The following RORB variants were observed in gnomAD, a reference collection of about 807,000 sequenced individuals.
RORB encodes the protein nuclear receptor ROR-beta.
In RORB, 6 loss-of-function variants were observed where a neutral mutation model predicts 59.1. The ratio of observed to expected loss-of-function variants is 0.10; its 90% CI spans 0.06 to 0.20. The LOEUF is 0.20. Ranked by LOEUF, RORB falls within the 10% of genes least tolerant of loss-of-function variation. RORB has a pLI of 1.00. For synonymous variants in RORB, 215 were observed against 204.5 expected (o/e 1.05, Z -0.44); for missense variants, 320 against 560.5 (o/e 0.57, Z 4.33).
rs552852997 is a variant in RORB, at chr9:74,572,951, G to A, written c.8-57331G>A. On this transcript the variant is annotated intron_variant, in intron 1 of 9. Transcript: ENST00000376896. ...AGCAAATTGTAGCTGAATTTGAGAC[G>A]GTAATTTTCACTCTTCAGAATCTTT... 1.5e-3 allele frequency among the ~76,000 whole-genome samples: 225 copies of A among 152,158 alleles called. 8 individuals carry two copies. The South Asian group carries it at 0.044, about 30-fold the overall frequency.
intron 1 of RORB, among the ~76,000 whole-genome samples, chr9:74,499,542 GC>G (rs1825776822): frequency 6.6e-6 from 1 of 152,202 alleles, no homozygotes; most frequent in Non-Finnish European, 1.5e-5. Context: ...GTCTTGATTG[GC>G]CGGCTCGCTG....
intron 9 of RORB, 54 bp from the exon 10 acceptor site, chr9:74,685,409 A>C: frequency 2.1e-6 from 3 of 1,445,984 alleles, no homozygotes; most frequent in Non-Finnish European, 1.9e-6. Flanking sequence ...TTCCACAGAC[A>C]GAGCACTAAT....
chr9:74,579,764 T>G (rs562435523), intron 1 of RORB, among the ~76,000 whole-genome samples: 1 of 152,174 alleles, frequency 6.6e-6, no homozygotes, highest in Non-Finnish European at 1.5e-5. Context: ...CACTCAGCCT[T>G]GGCTCTCATC....
intron 2 of RORB, among the ~76,000 whole-genome samples, chr9:74,630,684 A>T (rs1823602066): frequency 6.6e-6 from 1 of 152,162 alleles, no homozygotes; most frequent in Non-Finnish European, 1.5e-5. Flanking sequence ...ATTCCAAGGC[A>T]CTTATTACTA....
At chr9:74,625,001 G>A (rs1014919163) in intron 1 of RORB, among the ~76,000 whole-genome samples, 1 of 151,814 alleles carries the variant, frequency 6.6e-6, no homozygotes, top group East Asian at 1.9e-4. Flanking sequence ...TGGTGTCCAG[G>A]AATCATAGCC....
At chr9:74,634,294 T>A (rs1253780836) in intron 2 of RORB, among the ~76,000 whole-genome samples, 1 of 152,212 alleles carries the variant, frequency 6.6e-6, no homozygotes, top group Non-Finnish European at 1.5e-5. Context: ...TTTAGTAATC[T>A]CCTTTGCTAC....
intron 1 of RORB, among the ~76,000 whole-genome samples, chr9:74,521,229 A>G (rs770967310): frequency 3.3e-5 from 5 of 151,920 alleles, no homozygotes; most frequent in Non-Finnish European, 5.9e-5. Context: ...GGTGAAGTCC[A>G]GCTGTAACAA....
chr9:74,589,809 G>A (rs955367262), intron 1 of RORB, among the ~76,000 whole-genome samples: 12 of 152,150 alleles, frequency 7.9e-5, no homozygotes, highest in Admixed American at 5.9e-4. Flanking sequence ...CCTCAGGGAA[G>A]TCCTTTCTAA....
intron 2 of RORB, among the ~76,000 whole-genome samples, chr9:74,633,921 A>G (rs1823659306): frequency 6.6e-6 from 1 of 151,278 alleles, no homozygotes; most frequent in Non-Finnish European, 1.5e-5. Flanking sequence ...AACTTTCCAG[A>G]CCCGGTCACG....
At chr9:74,504,166 A>G (rs1825838539) in intron 1 of RORB, among the ~76,000 whole-genome samples, 1 of 152,000 alleles carries the variant, frequency 6.6e-6, no homozygotes, top group African/African-American at 2.4e-5. Flanking sequence ...TTATTAGTGC[A>G]TATCTGAGGA....
chr9:74,615,237 C>T (rs2118368089), intron 1 of RORB, among the ~76,000 whole-genome samples: 1 of 152,312 alleles, frequency 6.6e-6, no homozygotes, highest in Non-Finnish European at 1.5e-5. Flanking sequence ...CATATCGAAT[C>T]TGTTTCCAAA....
chr9:74,579,344 T>C (rs1234232061), intron 1 of RORB, among the ~76,000 whole-genome samples: 3 of 152,272 alleles, frequency 2.0e-5, no homozygotes, highest in Non-Finnish European at 4.4e-5. Context: ...TTGCAAAGTG[T>C]ACTTTCACAG....
At chr9:74,601,884 G>A (rs1823062807) in intron 1 of RORB, among the ~76,000 whole-genome samples, 1 of 152,178 alleles carries the variant, frequency 6.6e-6, no homozygotes, top group African/African-American at 2.4e-5. Flanking sequence ...GAAGAGATGA[G>A]TTGAACAAGC....
chr9:74,552,933 A>T (rs1261784440), intron 1 of RORB, among the ~76,000 whole-genome samples: 2 of 152,198 alleles, frequency 1.3e-5, no homozygotes, highest in Non-Finnish European at 2.9e-5. Flanking sequence ...TAAGTGAGAG[A>T]GCATTTCAGA....
chr9:74,647,275 TG>T (rs2118475660), intron 4 of RORB, among the ~76,000 whole-genome samples: 1 of 152,298 alleles, frequency 6.6e-6, no homozygotes, highest in African/African-American at 2.4e-5. Context: ...TAGAACATCT[TG>T]TCTTTGCTCC....
chr9:74,606,257 A>G (rs80143864), intron 1 of RORB, among the ~76,000 whole-genome samples: 1 of 152,216 alleles, frequency 6.6e-6, no homozygotes, highest in Non-Finnish European at 1.5e-5. Flanking sequence ...AATGAATGGC[A>G]TGATATATTT....
In RORB at chr9:74,667,810, T is replaced by G. The variant is rs574548178; in HGVS notation, c.1020T>G (p.Asn340Lys). 3.7e-6 allele frequency: 6 copies of G among 1,612,078 alleles called. No homozygotes were observed. The South Asian group carries it at 5.5e-5, about 15-fold the overall frequency. ...TTATAGGTTCTGATGACCTAGTGAATGAAGCATTTGACTTTGCAAAGAATT... is the reference window on the plus strand; with the variant it reads ...TTATAGGTTCTGATGACCTAGTGAAGGAAGCATTTGACTTTGCAAAGAATT... ...FKALGSDDLVNEAFDFAKNLC... is the reference protein window; with the variant it reads ...FKALGSDDLVKEAFDFAKNLC... The change falls in exon 8 of 10, where the codon AAT (asparagine) becomes AAG (lysine). Residue 340 changes from asparagine (N) to lysine (K), a missense_variant. Physicochemically the swap from Asn to Lys is moderately conservative, Grantham distance 94 (BLOSUM62 0). This residue lies in a region of RORB where 109 missense variants were observed against 171.0 expected (regional missense o/e 0.64). Coordinates refer to ENST00000376896, the MANE Select transcript of RORB (RefSeq NM_006914.4).
chr9:74,594,011 G>A (rs763118771), intron 1 of RORB, among the ~76,000 whole-genome samples: 26 of 152,136 alleles, frequency 1.7e-4, no homozygotes, highest in Admixed American at 5.9e-4. Context: ...TTTAGAAAGC[G>A]CTCCATGCAA....
chr9:74,612,361 G>T (rs757486463), intron 1 of RORB, among the ~76,000 whole-genome samples: 1 of 152,102 alleles, frequency 6.6e-6, no homozygotes, highest in Non-Finnish European at 1.5e-5. Context: ...GAGCTGGCCC[G>T]GGTTGTAGAA....
Sources: gnomAD v4.1 joint callset for allele counts (sites outside exome capture counted in the v4.1 genomes callset) on GRCh38, gnomAD v4.1.1 for gene constraint, gnomAD v4.1.1 regional missense constraint, MANE v1.5 for transcripts, NCBI Gene and HGNC (gene_info 2026-07-23, HGNC 2026-07-21) for gene names.